Variants in CAPZB observed in about 807,000 individuals in gnomAD.
CAPZB encodes the protein capping actin protein of muscle Z-line subunit beta.
CAPZB carries 2 observed loss-of-function variants against 38.1 expected under a neutral mutation model. The ratio of observed to expected loss-of-function variants is 0.05; its 90% confidence interval spans 0.02 to 0.17. The LOEUF (loss-of-function observed/expected upper bound fraction) is 0.17, where lower values mean the gene tolerates loss of function less well. Ranked by LOEUF, CAPZB falls within the 10% of genes least tolerant of loss-of-function variation. The pLI, the probability that CAPZB is intolerant of heterozygous loss-of-function variation, is 1.00. For missense variants in CAPZB, 161 were observed against 334.2 expected (o/e 0.48, Z 4.04); for synonymous variants, 107 against 127.4 (o/e 0.84, Z 1.08).
chr1:19,380,532 C>T lies in CAPZB; in HGVS notation c.216-1879G>A, dbSNP rs796191060. On this transcript the variant is annotated intron_variant, in intron 3 of 8. Coordinates refer to ENST00000264202, the MANE Select transcript of CAPZB (RefSeq NM_004930.5). ...GCCTCAGTTCTCCTGAGAAGCCAAG[C>T]GCGGGCTGACCTGTCAGTTCTTGTA... Among the ~76,000 whole-genome samples, 64 of 152,362 alleles carry T rather than the reference C, an allele frequency of 4.2e-4. 2 individuals carry two copies. Among genetic ancestry groups the T allele is most frequent in the Middle Eastern group, 3.4e-3 (1 of 294 alleles).
At chr1:19,366,303 TA>T (rs2094086831) in intron 4 of CAPZB, among the ~76,000 whole-genome samples, 1 of 102,000 alleles carries the variant, frequency 9.8e-6, no homozygotes, top group Non-Finnish European at 1.9e-5. Context: ...TATATATATA[TA>T]TATATAAATA....
At chr1:19,399,304 G>C (rs1354904025) in intron 2 of CAPZB, among the ~76,000 whole-genome samples, 1 of 152,204 alleles carries the variant, frequency 6.6e-6, no homozygotes, top group Non-Finnish European at 1.5e-5. Context: ...GAACCACATG[G>C]ATCCAAGACA....
At chr1:19,468,997 A>G (rs537533380) in intron 1 of CAPZB, among the ~76,000 whole-genome samples, 1 of 152,174 alleles carries the variant, frequency 6.6e-6, no homozygotes, top group Non-Finnish European at 1.5e-5. Context: ...CGTCTGTCTG[A>G]CTGGCTCCCA....
At chr1:19,408,119 G>C (rs1237425438) in intron 2 of CAPZB, among the ~76,000 whole-genome samples, 2 of 152,178 alleles carry the variant, frequency 1.3e-5, no homozygotes, top group East Asian at 3.9e-4. Flanking sequence ...ACGTGCACTG[G>C]GTTATAAAAT....
chr1:19,447,986 GC>G (rs2094502239), intron 1 of CAPZB, among the ~76,000 whole-genome samples: 1 of 152,192 alleles, frequency 6.6e-6, no homozygotes, highest in African/African-American at 2.4e-5. Context: ...AGAAAAGAGG[GC>G]GGAGGGAGGG....
At chr1:19,405,332 T>C (rs1321423346) in intron 2 of CAPZB, among the ~76,000 whole-genome samples, 1 of 152,118 alleles carries the variant, frequency 6.6e-6, no homozygotes, top group Non-Finnish European at 1.5e-5. Context: ...CCTCCAGTGC[T>C]AAGAGTACAG....
At chr1:19,457,291 A>G (rs541894275) in intron 1 of CAPZB, among the ~76,000 whole-genome samples, 1 of 152,278 alleles carries the variant, frequency 6.6e-6, no homozygotes, top group East Asian at 1.9e-4. Context: ...AAGGTAGAAG[A>G]TGACACAGAC....
At chr1:19,371,584 C>G (rs1372795076) in intron 4 of CAPZB, among the ~76,000 whole-genome samples, 1 of 152,142 alleles carries the variant, frequency 6.6e-6, no homozygotes, top group African/African-American at 2.4e-5. Context: ...AAGCCAAGGT[C>G]CTCTCCATTC....
At chr1:19,359,983 C>T (rs2094044061) in intron 4 of CAPZB, among the ~76,000 whole-genome samples, 1 of 152,184 alleles carries the variant, frequency 6.6e-6, no homozygotes, top group Non-Finnish European at 1.5e-5. Context: ...CATCTGCCTC[C>T]ATAGAGCCCT....
At chr1:19,362,149 C>A (rs752540645) in intron 4 of CAPZB, among the ~76,000 whole-genome samples, 11 of 152,150 alleles carry the variant, frequency 7.2e-5, no homozygotes, top group Non-Finnish European at 1.6e-4. Flanking sequence ...AGAGTCCCTG[C>A]AGTGAGGTCT....
rs901228637 is a variant in CAPZB at position 19,427,557 on chromosome 1, G to A, written c.4-7807C>T. 3.9e-5 allele frequency among the ~76,000 whole-genome samples: 6 copies of A among 152,248 alleles called. No homozygotes were observed. The South Asian group carries it at 6.2e-4, about 16-fold the overall frequency. ...GGCCCGGGAACAGTTTGTGCTGGGG[G>A]CGATTTGGAGAAGGAATCCTGGGCC... On this transcript the variant is annotated intron_variant, in intron 1 of 8. Coordinates refer to ENST00000264202, the MANE Select transcript of CAPZB (RefSeq NM_004930.5).
At chr1:19,390,598 T>G (rs2094228173) in intron 2 of CAPZB, among the ~76,000 whole-genome samples, 1 of 152,010 alleles carries the variant, frequency 6.6e-6, no homozygotes, top group South Asian at 2.1e-4. Flanking sequence ...CACAGGAGTG[T>G]GCCCACCCCA....
intron 8 of CAPZB, chr1:19,342,925 CGCA>C: frequency 2.0e-6 from 2 of 997,794 alleles, no homozygotes; most frequent in Non-Finnish European, 3.2e-6. Flanking sequence ...AAGCCAGGAA[CGCA>C]GGGGGCCACA....
intron 1 of CAPZB, among the ~76,000 whole-genome samples, chr1:19,463,405 A>C (rs1267311704): frequency 6.6e-6 from 1 of 152,252 alleles, no homozygotes; most frequent in Non-Finnish European, 1.5e-5. Flanking sequence ...CTGCTTCTGC[A>C]AAACACCTGT....
chr1:19,354,453 A>G (rs1299899441), intron 6 of CAPZB, among the ~76,000 whole-genome samples: 2 of 152,206 alleles, frequency 1.3e-5, no homozygotes, highest in African/African-American at 2.4e-5. Context: ...AGTTACTTAC[A>G]TTGGAACCCA....
intron 2 of CAPZB, among the ~76,000 whole-genome samples, chr1:19,398,763 G>C (rs1423011738): frequency 6.6e-6 from 1 of 152,118 alleles, no homozygotes; most frequent in Non-Finnish European, 1.5e-5. Flanking sequence ...GTGAGGCAGG[G>C]CTGGCAGTTA....
chr1:19,484,562 A>G, intron 1 of CAPZB: 4 of 1,263,700 alleles, frequency 3.2e-6, no homozygotes, highest in Non-Finnish European at 4.0e-6. Context: ...CCTCCCTAGA[A>G]GCGGCAACTG....
At chr1:19,349,719 G>A (rs1402413289) in intron 6 of CAPZB, among the ~76,000 whole-genome samples, 1 of 152,166 alleles carries the variant, frequency 6.6e-6, no homozygotes, top group Non-Finnish European at 1.5e-5. Context: ...TAGAACACAG[G>A]CCCCCTCAGC....
chr1:19,484,406 C>T, intron 1 of CAPZB: 1 of 1,526,116 alleles, frequency 6.6e-7, no homozygotes, highest in Non-Finnish European at 8.8e-7. Context: ...CCCACTCAGG[C>T]CCGGGCGCCG....
Sources: allele counts gnomAD v4.1 joint callset (sites outside exome capture counted in the v4.1 genomes callset), GRCh38; gene constraint gnomAD v4.1.1; transcripts MANE v1.5; gene names NCBI Gene and HGNC (gene_info 2026-07-23, HGNC 2026-07-21).